NOL10: variants seen among roughly 807,000 people sequenced by gnomAD.
The protein encoded by NOL10 is H_NH0074G24.1.
A neutral mutation model predicts 103.5 loss-of-function variants in NOL10; 58 were observed. That is an observed-to-expected ratio of 0.56 (90% confidence interval 0.45 to 0.70). NOL10 has a LOEUF of 0.70. NOL10 is among the 30% of genes least tolerant of loss of function. The pLI, the probability that NOL10 is intolerant of heterozygous loss-of-function variation, is 0.00. For missense variants in NOL10, 763 were observed against 807.3 expected (o/e 0.95, Z 0.67); for synonymous variants, 287 against 282.5 (o/e 1.02, Z -0.16).
At chr2:10,673,222 C>T (rs73169907) in intron 5 of NOL10, 4,246 of 236,852 alleles carry the variant, frequency 0.018, 206 homozygotes, top group African/African-American at 0.088. Context: ...ATCTAGAATA[C>T]AGGATGATAT....
chr2:10,580,130 T>C (rs1171280830), intron 19 of NOL10, among the ~76,000 whole-genome samples: 1 of 152,244 alleles, frequency 6.6e-6, no homozygotes. Flanking sequence ...AAAGTCAGTT[T>C]ACTGAAAGCG....
At position 10,677,961 on chromosome 2, in the gene NOL10, GCA is replaced by G. The variant is rs60219622; in HGVS notation, c.212-2092_212-2091del. ...TATATATACACACATAATTTTATGT[GCA>G]CACACACACACACACACATAATTTG... is the stretch of plus-strand genomic sequence containing the variant. On this transcript the variant is annotated intron_variant, in intron 3 of 20. Transcript: ENST00000381685. 4.5e-3 allele frequency among the ~76,000 whole-genome samples: 669 copies of G among 148,990 alleles called. 9 individuals are homozygous for G. Among genetic ancestry groups the G allele is most frequent in the African/African-American group, 0.015 (594 of 40,436 alleles).
intron 13 of NOL10, among the ~76,000 whole-genome samples, chr2:10,629,380 T>A (rs1348407078): frequency 6.6e-6 from 1 of 152,110 alleles, no homozygotes; most frequent in Non-Finnish European, 1.5e-5. Context: ...ATATATTTTT[T>A]AATAATTTCC....
intron 13 of NOL10, 40 bp downstream of exon 13, chr2:10,644,280 T>C: frequency 7.5e-7 from 1 of 1,334,926 alleles, no homozygotes; most frequent in South Asian, 1.4e-5. Flanking sequence ...GTATCTTTGC[T>C]TGTCCTATTT....
chr2:10,625,158 A>T (rs1677380432), intron 13 of NOL10, among the ~76,000 whole-genome samples: 1 of 152,304 alleles, frequency 6.6e-6, no homozygotes, highest in Non-Finnish European at 1.5e-5. Context: ...GAGGACTTTT[A>T]GGGTAGGGAG....
At chr2:10,676,542 G>A (rs1350019445) in intron 3 of NOL10, among the ~76,000 whole-genome samples, 2 of 152,032 alleles carry the variant, frequency 1.3e-5, no homozygotes, top group African/African-American at 4.8e-5. Context: ...GTACTATAAA[G>A]TAAAAGTACA....
chr2:10,632,736 T>A (rs1349653119), intron 13 of NOL10, among the ~76,000 whole-genome samples: 2 of 152,244 alleles, frequency 1.3e-5, no homozygotes, highest in Non-Finnish European at 2.9e-5. Context: ...CTTTTAAAAG[T>A]TAAATTAAAA....
intron 13 of NOL10, among the ~76,000 whole-genome samples, chr2:10,633,438 G>A (rs1677971332): frequency 6.6e-6 from 1 of 150,796 alleles, no homozygotes; most frequent in Non-Finnish European, 1.5e-5. Context: ...CATAACATTG[G>A]TATTAATTAT....
intron 1 of NOL10, among the ~76,000 whole-genome samples, chr2:10,687,877 C>A (rs1200004862): frequency 1.3e-5 from 2 of 152,120 alleles, no homozygotes; most frequent in Admixed American, 6.5e-5. Flanking sequence ...CGCTTGAACC[C>A]GAGAGGTTGC....
chr2:10,684,532 C>CT (rs1294484118), intron 2 of NOL10, 35 bp downstream of exon 2: 1 of 1,521,816 alleles, frequency 6.6e-7, no homozygotes, highest in African/African-American at 1.4e-5. Context: ...ACATGGATCA[C>CT]TAACGCAGCT....
At chr2:10,651,503 A>G (rs146660555) in intron 12 of NOL10, among the ~76,000 whole-genome samples, 4 of 152,322 alleles carry the variant, frequency 2.6e-5, no homozygotes, top group Non-Finnish European at 5.9e-5. Flanking sequence ...TTAATAGAAA[A>G]TTATTAATGA....
chr2:10,657,151 G>A (rs988371835), intron 11 of NOL10, among the ~76,000 whole-genome samples: 3 of 151,970 alleles, frequency 2.0e-5, no homozygotes, highest in South Asian at 2.1e-4. Flanking sequence ...AAACCCCATC[G>A]CTACTAAAAA....
rs755069931 is a variant in NOL10 at position 10,589,575 on chromosome 2, T to C, written c.1596+3A>G. 1.0e-5 allele frequency: 16 copies of C among 1,557,230 alleles called. No individual in the cohort carries two copies. The highest frequency in any genetic ancestry group is 1.4e-5 in the Non-Finnish European group (16 of 1,157,474). On this transcript the variant is annotated splice_donor_region_variant and intron_variant, in intron 18 of 20. Transcript: ENST00000381685. The stretch of plus-strand genomic sequence containing the variant: ...AAATTCTAACTGATAAGGAGTACAT[T>C]ACTTTTTCACGAAGTTCTTGTTGCT...
chr2:10,688,966 C>T (rs950065870), intron 1 of NOL10, among the ~76,000 whole-genome samples: 2 of 152,226 alleles, frequency 1.3e-5, no homozygotes, highest in African/African-American at 4.8e-5. Context: ...AAGGGCAGGA[C>T]TCAGGCCAAC....
intron 13 of NOL10, among the ~76,000 whole-genome samples, chr2:10,619,814 T>C (rs1490164160): frequency 6.6e-6 from 1 of 152,210 alleles, no homozygotes; most frequent in Non-Finnish European, 1.5e-5. Flanking sequence ...GCACCTCGGC[T>C]ACAAACAGTC....
intron 12 of NOL10, among the ~76,000 whole-genome samples, chr2:10,647,491 C>T (rs574840507): frequency 6.6e-6 from 1 of 152,344 alleles, no homozygotes; most frequent in East Asian, 1.9e-4. Flanking sequence ...TTGTCTTTTA[C>T]AGACGTATCA....
intron 13 of NOL10, among the ~76,000 whole-genome samples, chr2:10,636,747 T>C (rs1285973766): frequency 6.6e-6 from 1 of 151,742 alleles, no homozygotes; most frequent in African/African-American, 2.4e-5. Context: ...ACCATCTATA[T>C]AGGAAGAAGA....
Position 10,615,038 on chromosome 2 carries a change from CAA to C in NOL10, c.1027-7729_1027-7728del, listed in dbSNP as rs1558291060. 2.0e-5 allele frequency among the ~76,000 whole-genome samples: 3 copies of C among 152,254 alleles called. No homozygotes were observed. The East Asian group carries it at 5.8e-4, about 29-fold the overall frequency. On this transcript the variant is annotated intron_variant, in intron 13 of 20. Transcript: ENST00000381685. Reference sequence around the variant, plus strand: ...GAGGCTTAATAAATGATCATAAACCCAAGAGAACACTGGGTGAGCCAGAGGGA... The same window carrying C: ...GAGGCTTAATAAATGATCATAAACCCGAGAACACTGGGTGAGCCAGAGGGA...
At chr2:10,655,784 C>A (rs1390136457) in intron 11 of NOL10, among the ~76,000 whole-genome samples, 1 of 152,186 alleles carries the variant, frequency 6.6e-6, no homozygotes, top group African/African-American at 2.4e-5. Context: ...ACTCATTATG[C>A]AAAGTCTGAC....
Sources: gnomAD v4.1 joint callset for allele counts (sites outside exome capture counted in the v4.1 genomes callset) on GRCh38, gnomAD v4.1.1 for gene constraint, MANE v1.5 for transcripts, NCBI Gene and HGNC (gene_info 2026-07-23, HGNC 2026-07-21) for gene names.